The following LRRC71 variants were observed in gnomAD, a reference collection of about 807,000 sequenced individuals.
LRRC71 encodes the protein leucine-rich repeat-containing protein 71.
Under a neutral mutation model 66.6 loss-of-function variants are expected in LRRC71, and 54 were observed. The observed-to-expected ratio is 0.81, with a 90% confidence interval of 0.65 to 1.02. LRRC71 has a LOEUF of 1.02. Among genes scored for constraint, LRRC71 ranks in the 50% least tolerant of loss-of-function variants. The pLI, the probability that LRRC71 is intolerant of heterozygous loss-of-function variation, is 0.00. For missense variants in LRRC71, 724 were observed against 718.0 expected (o/e 1.01, Z -0.10); for synonymous variants, 323 against 303.9 (o/e 1.06, Z -0.65).
intron 5 of LRRC71, 125 bp from the exon 6 acceptor site, chr1:156,927,077 T>C (rs1037337690): frequency 5.2e-6 from 4 of 769,356 alleles, no homozygotes; most frequent in African/African-American, 1.7e-5. Context: ...ATTTCCTATA[T>C]TGGGGGGGCA....
Position 156,920,737 on chromosome 1 carries a change from C to T in LRRC71, c.-67C>T. The T allele has an allele frequency of 7.0e-7, 1 of 1,425,548 alleles. No individual in the cohort carries two copies. The highest frequency in any genetic ancestry group is 9.2e-7 in the Non-Finnish European group (1 of 1,086,328). 88.3% of individuals were successfully genotyped at this position (1,425,548 alleles called of 1,614,324 possible). A position where few individuals can be genotyped will look rare whatever the true frequency, so the allele number is the denominator to read the frequency against. ...TGATTCAGCCACCCCCAGACTGAGCCCCGTAGAGTGCGTTCTTACCTTCCT... is the reference window on the plus strand; with the variant it reads ...TGATTCAGCCACCCCCAGACTGAGCTCCGTAGAGTGCGTTCTTACCTTCCT... On this transcript the variant is annotated 5_prime_UTR_variant, in exon 1 of 15. Coordinates refer to ENST00000337428, the MANE Select transcript of LRRC71 (RefSeq NM_144702.3). This position sits in a 1 kb window ranked among gnomAD's most constrained non-coding sequence, Gnocchi z 4.9.
chr1:156,939,553 C>T, the LRRC71 span: 27 of 1,610,874 alleles, frequency 1.7e-5, no homozygotes, highest in Non-Finnish European at 4.2e-6. Context: ...TTTACCTTTT[C>T]TCACAACTTT....
intron 1 of LRRC71, among the ~76,000 whole-genome samples, chr1:156,922,857 C>A (rs1558164972): frequency 6.6e-6 from 1 of 152,142 alleles, no homozygotes; most frequent in African/African-American, 2.4e-5. Flanking sequence ...AATCTCTGTT[C>A]TTGAGAAGGG....
At chr1:156,939,973 T>C in the LRRC71 span, 6 of 1,576,776 alleles carry the variant, frequency 3.8e-6, no homozygotes, top group Admixed American at 7.5e-5. Context: ...AGAAGGATCG[T>C]TGTACTGCCC....
chr1:156,928,408 C>CTTCTTCT (rs1491124092), intron 9 of LRRC71, among the ~76,000 whole-genome samples: 38 of 34,452 alleles, frequency 1.1e-3, no homozygotes, highest in Admixed American at 1.6e-3. Context: ...CTTCTTCTTC[C>CTTCTTCT]TCTTATTCCT....
chr1:156,927,515 C>A lies in LRRC71; in HGVS notation c.682C>A (p.Arg228=), dbSNP rs774164323. Residue 228 remains arginine, a synonymous_variant, in exon 7 of 15, where the codon CGG becomes AGG. Coordinates refer to ENST00000337428, the MANE Select transcript of LRRC71 (RefSeq NM_144702.3). ...CCCCAGGATTGCGCACTTGTCTCTGCGGAACAATAACATCGACGACCGCGG... is the reference window on the plus strand; with the variant it reads ...CCCCAGGATTGCGCACTTGTCTCTGAGGAACAATAACATCGACGACCGCGG... ...LDSTIAHLSL[R]NNNIDDRGAQ... 96 of 1,539,158 alleles carry A rather than the reference C, an allele frequency of 6.2e-5. No individual in the cohort carries two copies. The highest frequency in any genetic ancestry group is 1.0e-4 in the Admixed American group (5 of 49,744).
downstream of LRRC71, among the ~76,000 whole-genome samples, chr1:156,933,587 G>A (rs889270829): frequency 4.6e-5 from 7 of 152,234 alleles, no homozygotes; most frequent in African/African-American, 1.7e-4. Context: ...CATCTACATA[G>A]CAAAGGCTAA....
At chr1:156,921,388 T>G (rs1652341133) in intron 1 of LRRC71, among the ~76,000 whole-genome samples, 2 of 152,090 alleles carry the variant, frequency 1.3e-5, no homozygotes, top group Admixed American at 6.5e-5. Context: ...ATGAGTAGAA[T>G]GGTATAAGTA....
Position 156,924,718 on chromosome 1 carries a change from A to G in LRRC71, c.515A>G (p.Asn172Ser), listed in dbSNP as rs1328932807. The G allele has an allele frequency of 1.9e-6, 3 of 1,551,596 alleles. No individual in the cohort carries two copies. Among genetic ancestry groups the G allele is most frequent in the South Asian group, 2.4e-5 (2 of 84,062 alleles). ...LPPLTQLQAI[N>S]LWKVGLTDKT... ...CCGCTTACCCAGCTACAGGCCATCA[A>G]GTGAGAGGCACTGAGGGGATGGGCG... Residue 172 changes from asparagine (N) to serine (S), a missense_variant and splice_region_variant, in exon 4 of 15, where the codon AAC (asparagine) becomes AGC (serine). Physicochemically the swap from Asn to Ser is conservative, Grantham distance 46. Coordinates refer to ENST00000337428, the MANE Select transcript of LRRC71 (RefSeq NM_144702.3).
the LRRC71 span, chr1:156,938,482 T>A: frequency 2.5e-6 from 4 of 1,613,586 alleles, no homozygotes; most frequent in Non-Finnish European, 3.4e-6. Context: ...TCTCTGGTAG[T>A]GCAGGGACAA....
chr1:156,927,338 C>T, intron 6 of LRRC71, 68 bp downstream of exon 6: 1 of 1,572,236 alleles, frequency 6.4e-7, no homozygotes, highest in Non-Finnish European at 8.7e-7. Context: ...TTTTAGTCCC[C>T]GCCCTTCCTT....
At chr1:156,932,401 C>T (rs1409974925) in intron 13 of LRRC71, 23 bp from the exon 14 acceptor site, 15 of 1,601,656 alleles carry the variant, frequency 9.4e-6, no homozygotes, top group African/African-American at 2.7e-5. Context: ...GCTAAGAGGC[C>T]ACCTGTCTGT....
At chr1:156,928,073 G>A in intron 9 of LRRC71, 69 bp downstream of exon 9, 1 of 1,435,708 alleles carries the variant, frequency 7.0e-7, no homozygotes, top group East Asian at 2.5e-5. Flanking sequence ...CCCCAAGTCC[G>A]CTGCTTTTCA....
chr1:156,938,188 T>C, the LRRC71 span, among the ~76,000 whole-genome samples: 1 of 152,176 alleles, frequency 6.6e-6, no homozygotes, highest in Admixed American at 6.5e-5. Flanking sequence ...CATTTATCCC[T>C]GCCATTCTGA....
Position 156,920,735 on chromosome 1 carries a change from GC to G in LRRC71, c.-65del. The stretch of plus-strand genomic sequence containing the variant: ...CCTGATTCAGCCACCCCCAGACTGA[GC>G]CCCGTAGAGTGCGTTCTTACCTTCC... On this transcript the variant is annotated 5_prime_UTR_variant, in exon 1 of 15. Coordinates refer to ENST00000337428, the MANE Select transcript of LRRC71 (RefSeq NM_144702.3). This position sits in a 1 kb window ranked among gnomAD's most constrained non-coding sequence, Gnocchi z 4.9. The G allele has an allele frequency of 7.0e-7, 1 of 1,419,756 alleles. No homozygotes were observed. The allele number at this position is 1,419,756 out of a possible 1,614,324, so 87.9% of individuals were successfully genotyped here. A position where few individuals can be genotyped will look rare whatever the true frequency, so the allele number is the denominator to read the frequency against.
At chr1:156,940,283 C>G in the LRRC71 span, 3 of 1,613,400 alleles carry the variant, frequency 1.9e-6, no homozygotes, top group African/African-American at 2.7e-5. Context: ...GGTTCCTTGT[C>G]CTGATGCCCC....
chr1:156,932,891 A>G lies in LRRC71; in HGVS notation c.1602A>G (p.Ile534Met). 3 of 1,608,704 alleles carry G rather than the reference A, an allele frequency of 1.9e-6. No homozygotes were observed. Among genetic ancestry groups the G allele is most frequent in the Non-Finnish European group, 2.5e-6 (3 of 1,177,680 alleles). ...CCCCACAATGTCCTGCGTACGCCAT[A>G]ATCCAGGAGCTGATGTTGCCAAGGG... ...CFAPQCPAYA[I>M]IQELMLPRDP... Residue 534 changes from isoleucine (I) to methionine (M), a missense_variant, in exon 15 of 15, where the codon ATA becomes ATG. Physicochemically the swap from Ile to Met is conservative, Grantham distance 10. Transcript: ENST00000337428.
At chr1:156,940,344 T>A in the LRRC71 span, 1 of 1,613,994 alleles carries the variant, frequency 6.2e-7, no homozygotes, top group Admixed American at 1.7e-5. Context: ...ACCCAGTTCC[T>A]CTTCCTCTGC....
At chr1:156,928,362 CCTCT>C (rs1653582940) in intron 9 of LRRC71, among the ~76,000 whole-genome samples, 2 of 140,846 alleles carry the variant, frequency 1.4e-5, no homozygotes, top group Non-Finnish European at 3.1e-5. Flanking sequence ...TCTTCTTCTT[CCTCT>C]TCTTCTTCTT....
Sources: gnomAD v4.1 joint callset for allele counts (sites outside exome capture counted in the v4.1 genomes callset) on GRCh38, gnomAD v4.1.1 for gene constraint, Gnocchi (gnomAD v3.1) non-coding constraint, MANE v1.5 for transcripts, NCBI Gene and HGNC (gene_info 2026-07-23, HGNC 2026-07-21) for gene names.